The following PDZD2 variants were observed in gnomAD, a reference collection of about 807,000 sequenced individuals.
PDZD2 encodes the protein PDZ domain containing 2.
In PDZD2, 90 loss-of-function variants were observed where a neutral mutation model predicts 220.7. That is an observed-to-expected ratio of 0.41 (90% CI 0.34 to 0.49). The LOEUF is 0.49. Among genes scored for constraint, PDZD2 ranks in the 20% least tolerant of loss-of-function variants. The pLI, the probability that PDZD2 is intolerant of heterozygous loss-of-function variation, is 0.28. For missense variants in PDZD2, 3,174 were observed against 3,608.5 expected (o/e 0.88, Z 3.08); for synonymous variants, 1,375 against 1,450.5 (o/e 0.95, Z 1.18).
chr5:31,854,346 G>C (rs536257869), intron 2 of PDZD2, among the ~76,000 whole-genome samples: 22 of 152,320 alleles, frequency 1.4e-4, no homozygotes, highest in African/African-American at 4.6e-4. Context: ...AAGGTGGGAG[G>C]GGTAGGGGAG....
At chr5:32,067,254 T>C (rs1302028430) in intron 14 of PDZD2, among the ~76,000 whole-genome samples, 1 of 152,216 alleles carries the variant, frequency 6.6e-6, no homozygotes, top group Non-Finnish European at 1.5e-5. Context: ...GATTTGGACT[T>C]GCTGGGATAG....
At chr5:31,666,747 G>C (rs150534607) in intron 1 of PDZD2, among the ~76,000 whole-genome samples, 13 of 152,212 alleles carry the variant, frequency 8.5e-5, no homozygotes, top group Admixed American at 2.0e-4. Flanking sequence ...CACTGTGAGC[G>C]TAATGATAAA....
At chr5:31,900,680 G>C (rs1742012549) in intron 2 of PDZD2, among the ~76,000 whole-genome samples, 1 of 152,174 alleles carries the variant, frequency 6.6e-6, no homozygotes, top group Admixed American at 6.5e-5. Context: ...ATGCTCTTCA[G>C]TTATTTCTTG....
chr5:31,830,092 AT>A (rs998087305), intron 2 of PDZD2, among the ~76,000 whole-genome samples: 12 of 151,300 alleles, frequency 7.9e-5, no homozygotes, highest in Admixed American at 7.9e-4. Context: ...TACCATTCTG[AT>A]TTTTTCCAAC....
Position 31,646,343 on chromosome 5 carries a change from C to T in PDZD2, c.-361+6906C>T, listed in dbSNP as rs933905031. 2.6e-5 allele frequency among the ~76,000 whole-genome samples: 4 copies of T among 152,024 alleles called. No homozygotes were observed. Among genetic ancestry groups the T allele is most frequent in the Non-Finnish European group, 5.9e-5 (4 of 68,006 alleles). ...TAATGCCCCTTACCCCTGAGGAATT[C>T]CAGGGACTGAGCCACCACAAATGTC... On this transcript the variant is annotated intron_variant, in intron 1 of 24. Coordinates refer to ENST00000438447, the MANE Select transcript of PDZD2 (RefSeq NM_178140.4). This position sits in a 1 kb window ranked among gnomAD's most constrained non-coding sequence, Gnocchi z 4.7.
At chr5:31,777,309 G>A (rs1046073740) in intron 1 of PDZD2, among the ~76,000 whole-genome samples, 15 of 152,208 alleles carry the variant, frequency 9.9e-5, no homozygotes, top group Non-Finnish European at 1.0e-4. Context: ...CACTGTGCTT[G>A]AATTCTCGCC....
intron 1 of PDZD2, among the ~76,000 whole-genome samples, chr5:31,776,462 ATTT>A (rs965661200): frequency 5.6e-5 from 8 of 143,438 alleles, no homozygotes; most frequent in Admixed American, 1.4e-4. Context: ...TTATTTATTT[ATTT>A]ATTTATTTAT....
intron 2 of PDZD2, chr5:31,908,750 A>AAC: frequency 1.1e-6 from 1 of 906,516 alleles, no homozygotes; most frequent in Non-Finnish European, 1.7e-6. Context: ...TAATTTCAAA[A>AAC]ACGACCAGTT....
At position 31,865,738 on chromosome 5, in the gene PDZD2, TCTC is replaced by T. The variant is rs374987405; in HGVS notation, c.476+66017_476+66019del. 5.9e-3 allele frequency among the ~76,000 whole-genome samples: 833 copies of T among 142,274 alleles called. 8 individuals carry two copies. The highest frequency in any genetic ancestry group is 0.021 in the African/African-American group (811 of 37,746). The allele number at this position is 142,274 out of a possible 152,430, so 93.3% of individuals were successfully genotyped here. On this transcript the variant is annotated intron_variant, in intron 2 of 24. Transcript: ENST00000438447. ...AAGCTCCGCCTCCCGGGTGCCCCAT[TCTC>T]CTGCCTCAGCCTCCCAAGTAGCTGA...
At position 32,009,800 on chromosome 5, in the gene PDZD2, C is replaced by A. The variant is rs571349184; in HGVS notation, c.1255-530C>A. ...GGAGCTTGGATTGCCCATAGAAACACTGAGCTAAAGGCTGGGTGTGGTGGC... is the reference window on the plus strand; with the variant it reads ...GGAGCTTGGATTGCCCATAGAAACAATGAGCTAAAGGCTGGGTGTGGTGGC... On this transcript the variant is annotated intron_variant, in intron 5 of 24. Coordinates refer to ENST00000438447, the MANE Select transcript of PDZD2 (RefSeq NM_178140.4). Among the ~76,000 whole-genome samples the A allele has an allele frequency of 2.0e-5, 3 of 151,858 alleles. No individual in the cohort carries two copies. The East Asian group carries it at 5.8e-4, about 30-fold the overall frequency.
rs1739650341 is a variant in PDZD2, at chr5:32,061,104, C to T, written c.2421C>T (p.Arg807=). The T allele has an allele frequency of 6.2e-7, 1 of 1,614,202 alleles. No homozygotes were observed. The highest frequency in any genetic ancestry group is 1.7e-5 in the Admixed American group (1 of 60,012). The change falls in exon 14 of 25, where the codon CGC becomes CGT. Residue 807 remains arginine, a synonymous_variant. Coordinates refer to ENST00000438447, the MANE Select transcript of PDZD2 (RefSeq NM_178140.4). ...ILSKCPPGPV[R]LVIGRHPNPK... ...GTAAATGCCCTCCAGGACCCGTTCG[C>T]CTTGTCATCGGCCGGCACCCTAATC...
chr5:31,939,806 C>T (rs1158086635), intron 2 of PDZD2, among the ~76,000 whole-genome samples: 2 of 152,178 alleles, frequency 1.3e-5, no homozygotes, highest in African/African-American at 4.8e-5. Context: ...AGGCTGGAAT[C>T]AGACATCTAT....
intron 1 of PDZD2, among the ~76,000 whole-genome samples, chr5:31,791,316 C>T (rs745978185): frequency 3.2e-4 from 49 of 152,012 alleles, no homozygotes; most frequent in South Asian, 4.2e-4. Context: ...ATTGGCCAGG[C>T]GCAGTGGCTC....
intron 24 of PDZD2, among the ~76,000 whole-genome samples, chr5:32,107,613 A>G (rs1458417287): frequency 2.0e-5 from 3 of 152,230 alleles, no homozygotes; most frequent in Admixed American, 6.5e-5. Context: ...TTTGGAGTTC[A>G]GCTGTTGATT....
At chr5:31,809,126 T>C (rs1754923206) in intron 2 of PDZD2, among the ~76,000 whole-genome samples, 1 of 152,320 alleles carries the variant, frequency 6.6e-6, no homozygotes, top group Non-Finnish European at 1.5e-5. Context: ...AACAAGAGTG[T>C]AGCTTATAGC....
chr5:31,725,481 A>T, intron 1 of PDZD2: 6 of 1,221,998 alleles, frequency 4.9e-6, no homozygotes, highest in Non-Finnish European at 6.7e-6. Context: ...AAATAAAACT[A>T]TGAGTAAATG....
intron 6 of PDZD2, among the ~76,000 whole-genome samples, chr5:32,013,052 GCTTT>G (rs1178023274): frequency 6.6e-6 from 1 of 151,892 alleles, no homozygotes; most frequent in East Asian, 1.9e-4. Flanking sequence ...TTTTGCTGTG[GCTTT>G]CTAATTTTTT....
chr5:31,947,211 A>T (rs933132729), intron 2 of PDZD2, among the ~76,000 whole-genome samples: 3 of 152,222 alleles, frequency 2.0e-5, no homozygotes, highest in Non-Finnish European at 2.9e-5. Flanking sequence ...ACCAGGTTCT[A>T]TGTGTACTCT....
chr5:31,891,265 T>G (rs1048999314), intron 2 of PDZD2, among the ~76,000 whole-genome samples: 1 of 151,258 alleles, frequency 6.6e-6, no homozygotes, highest in Non-Finnish European at 1.5e-5. Flanking sequence ...GCCTCCTGAG[T>G]AGCTGGGGCT....
Sources: gnomAD v4.1 joint callset for allele counts (sites outside exome capture counted in the v4.1 genomes callset) on GRCh38, gnomAD v4.1.1 for gene constraint, Gnocchi (gnomAD v3.1) non-coding constraint, MANE v1.5 for transcripts, NCBI Gene and HGNC (gene_info 2026-07-23, HGNC 2026-07-21) for gene names.